The following MGAT4C variants were observed in gnomAD, a reference collection of about 807,000 sequenced individuals.
MGAT4C encodes MGAT4 family member C.
A neutral mutation model predicts 40.1 loss-of-function variants in MGAT4C; 19 were observed. The ratio of observed to expected loss-of-function variants is 0.47; its 90% confidence interval spans 0.33 to 0.70. MGAT4C has a LOEUF of 0.70. Among genes scored for constraint, MGAT4C ranks in the 30% least tolerant of loss-of-function variants. MGAT4C has a pLI of 0.02. For missense variants in MGAT4C, 491 were observed against 563.2 expected (o/e 0.87, Z 1.30); for synonymous variants, 181 against 187.1 (o/e 0.97, Z 0.27).
intron 1 of MGAT4C, among the ~76,000 whole-genome samples, chr12:86,235,595 T>C (rs1250793851): frequency 2.0e-5 from 3 of 152,080 alleles, no homozygotes; most frequent in African/African-American, 4.8e-5. Flanking sequence ...TTGTTCTCTC[T>C]ATCTCTGAGT....
At chr12:86,758,589 A>G (rs1321533565) in intron 1 of MGAT4C, among the ~76,000 whole-genome samples, 1 of 152,034 alleles carries the variant, frequency 6.6e-6, no homozygotes, top group Non-Finnish European at 1.5e-5. Flanking sequence ...TTATTCAGAT[A>G]AGTGCCAAAA....
intron 1 of MGAT4C, among the ~76,000 whole-genome samples, chr12:86,762,279 G>A (rs1043843942): frequency 6.6e-6 from 1 of 151,978 alleles, no homozygotes; most frequent in African/African-American, 2.4e-5. Flanking sequence ...TCATACTCCT[G>A]AACTCAAGCA....
chr12:86,260,560 G>T (rs1270461950), upstream of MGAT4C, among the ~76,000 whole-genome samples: 2 of 152,040 alleles, frequency 1.3e-5, no homozygotes, highest in African/African-American at 2.4e-5. Context: ...TCATAGTAAG[G>T]TGTGTTTCCA....
intron 1 of MGAT4C, among the ~76,000 whole-genome samples, chr12:86,197,246 T>A (rs561605222): frequency 6.6e-6 from 1 of 152,366 alleles, no homozygotes; most frequent in South Asian, 2.1e-4. Context: ...ACCAATATTC[T>A]GTTTAGGATA....
At chr12:86,256,749 T>C (rs1415702816), upstream of MGAT4C, among the ~76,000 whole-genome samples, 1 of 152,220 alleles carries the variant, frequency 6.6e-6, no homozygotes, top group Non-Finnish European at 1.5e-5. Context: ...AAGATGTATG[T>C]AATCATAACA....
chr12:85,999,812 C>A (rs562390813), intron 2 of MGAT4C, among the ~76,000 whole-genome samples: 1 of 152,062 alleles, frequency 6.6e-6, no homozygotes, highest in Middle Eastern at 3.4e-3. Flanking sequence ...TTTGTGAAAT[C>A]TAAAAAAGTT....
chr12:86,391,700 T>C (rs916578347), intron 3 of MGAT4C, among the ~76,000 whole-genome samples: 1 of 151,744 alleles, frequency 6.6e-6, no homozygotes, highest in Non-Finnish European at 1.5e-5. Context: ...CTACTAAAAA[T>C]ACAAAAAAAA....
At chr12:86,339,837 T>C (rs1253411726) in intron 3 of MGAT4C, among the ~76,000 whole-genome samples, 1 of 152,158 alleles carries the variant, frequency 6.6e-6, no homozygotes, top group Admixed American at 6.6e-5. Flanking sequence ...ACTTTGGCCT[T>C]TTTCCTTTCT....
intron 2 of MGAT4C, among the ~76,000 whole-genome samples, chr12:86,001,091 C>G: frequency 6.6e-6 from 1 of 152,146 alleles, no homozygotes; most frequent in East Asian, 1.9e-4. Context: ...AATTCCCCAT[C>G]CTCCATATCT....
intron 4 of MGAT4C, among the ~76,000 whole-genome samples, chr12:86,312,150 C>T (rs1954095403): frequency 6.6e-6 from 1 of 152,154 alleles, no homozygotes; most frequent in Non-Finnish European, 1.5e-5. Flanking sequence ...ATAGCTGGTC[C>T]TGCTTCTCAG....
chr12:86,079,997 A>T (rs1205356334), intron 1 of MGAT4C, among the ~76,000 whole-genome samples: 1 of 150,168 alleles, frequency 6.7e-6, no homozygotes, highest in Non-Finnish European at 1.5e-5. Context: ...TTTCTACTTG[A>T]TCCCCTACTC....
intron 1 of MGAT4C, among the ~76,000 whole-genome samples, chr12:86,810,318 T>G (rs1952448348): frequency 6.6e-6 from 1 of 151,980 alleles, no homozygotes; most frequent in Admixed American, 6.6e-5. Flanking sequence ...TTTTTCAATC[T>G]GTATTTCTCT....
At chr12:86,593,066 A>G (rs1961394587) in intron 2 of MGAT4C, among the ~76,000 whole-genome samples, 2 of 150,316 alleles carry the variant, frequency 1.3e-5, no homozygotes, top group Non-Finnish European at 3.0e-5. Context: ...AATTCTCAAC[A>G]TTTGTACTTT....
At chr12:86,353,406 G>T (rs1164689693) in intron 3 of MGAT4C, among the ~76,000 whole-genome samples, 1 of 152,192 alleles carries the variant, frequency 6.6e-6, no homozygotes, top group East Asian at 1.9e-4. Flanking sequence ...GAATCCCATG[G>T]GGTGAGTTCT....
rs1364135261 is a variant in MGAT4C at position 86,308,325 on chromosome 12, A to G, written c.-57+25740T>C. ...GTGCCTGTTAGAGAGAAAAATACAA[A>G]TAAAACAGCAACACTATTCCTGCTG... On this transcript the variant is annotated intron_variant, in intron 4 of 7. Transcript: ENST00000548651. 1.3e-5 allele frequency among the ~76,000 whole-genome samples: 2 copies of G among 150,612 alleles called. 1 individual carries two copies. Among genetic ancestry groups the G allele is most frequent in the African/African-American group, 5.0e-5 (2 of 39,994 alleles).
At chr12:86,300,668 C>T (rs1296901077) in intron 4 of MGAT4C, among the ~76,000 whole-genome samples, 1 of 152,080 alleles carries the variant, frequency 6.6e-6, no homozygotes, top group African/African-American at 2.4e-5. Context: ...CATTAGCTTG[C>T]ATTGTAGCTT....
chr12:86,763,760 C>A (rs1025735292), intron 1 of MGAT4C, among the ~76,000 whole-genome samples: 1 of 152,010 alleles, frequency 6.6e-6, no homozygotes, highest in Non-Finnish European at 1.5e-5. Context: ...CTGCAGAATT[C>A]CTGACACATA....
At chr12:86,427,281 C>T (rs1479581069) in intron 3 of MGAT4C, among the ~76,000 whole-genome samples, 4 of 152,058 alleles carry the variant, frequency 2.6e-5, no homozygotes, top group Non-Finnish European at 5.9e-5. Context: ...CATCCAATTA[C>T]TGGAGAGGTA....
At position 86,127,652 on chromosome 12, in the gene MGAT4C, T is replaced by C. The variant is rs116280858; in HGVS notation, c.-56-77929A>G. Among the ~76,000 whole-genome samples the C allele has an allele frequency of 6.1e-3, 928 of 152,304 alleles. 7 individuals are homozygous for C. The highest frequency in any genetic ancestry group is 0.021 in the African/African-American group (886 of 41,578). ...TGCAGCTTTACAAAAATATTTTCTT[T>C]ATATTCTTATTCTATAAGCTTTTTT... On this transcript the variant is annotated intron_variant, in intron 1 of 4. Coordinates refer to ENST00000611864, the MANE Select transcript of MGAT4C (RefSeq NM_001351288.2).
Sources: allele counts gnomAD v4.1 joint callset (sites outside exome capture counted in the v4.1 genomes callset), GRCh38; gene constraint gnomAD v4.1.1; transcripts MANE v1.5; gene names NCBI Gene and HGNC (gene_info 2026-07-23, HGNC 2026-07-21).